Variants in HMCN2 observed in about 807,000 individuals in gnomAD.
The protein encoded by HMCN2 is hemicentin-2.
Under a neutral mutation model 377.5 loss-of-function variants are expected in HMCN2, and 325 were observed. The ratio of observed to expected loss-of-function variants is 0.86; its 90% confidence interval spans 0.79 to 0.94. The LOEUF (loss-of-function observed/expected upper bound fraction) is 0.94, where lower values mean the gene tolerates loss of function less well. Among genes scored for constraint, HMCN2 ranks in the 40% least tolerant of loss-of-function variants. HMCN2 has a pLI of 0.00. For missense variants in HMCN2, 4,543 were observed against 4,725.3 expected, an observed-to-expected ratio of 0.96 and a Z score of 1.13; for synonymous variants, 2,007 against 2,046.8, an observed-to-expected ratio of 0.98 and a Z score of 0.53.
chr9:130,312,026 T>C (rs1350642393), intron 15 of HMCN2, among the ~76,000 whole-genome samples: 1 of 152,228 alleles, frequency 6.6e-6, no homozygotes, highest in Non-Finnish European at 1.5e-5. Context: ...GAGCACATTT[T>C]GTTGCTGGCT....
intron 25 of HMCN2, among the ~76,000 whole-genome samples, chr9:130,343,510 C>T (rs1268197735): frequency 2.0e-5 from 3 of 152,188 alleles, no homozygotes; most frequent in Non-Finnish European, 4.4e-5. Flanking sequence ...TGCAGAGCTG[C>T]CGACCTGCCC....
intron 4 of HMCN2, among the ~76,000 whole-genome samples, chr9:130,291,811 T>G (rs1554930145): frequency 6.6e-6 from 1 of 152,250 alleles, no homozygotes; most frequent in Non-Finnish European, 1.5e-5. Flanking sequence ...GATTTCCCTG[T>G]CTTCAAACTG....
At chr9:130,296,848 C>T in intron 7 of HMCN2, 54 bp downstream of exon 7, 1 of 454,134 alleles carries the variant, frequency 2.2e-6, no homozygotes, top group Non-Finnish European at 4.6e-6. Context: ...AGACCTGGGG[C>T]TTGGCTTTGG....
At chr9:130,277,772 C>T (rs10988673) in intron 1 of HMCN2, among the ~76,000 whole-genome samples, 19,391 of 96,338 alleles carry the variant, frequency 0.2, 2,589 homozygotes, top group East Asian at 0.43. Flanking sequence ...ATCACCACCA[C>T]CATCATCATC....
At chr9:130,396,566 TCTCAG>T (rs1282927614) in intron 73 of HMCN2, among the ~76,000 whole-genome samples, 1 of 152,150 alleles carries the variant, frequency 6.6e-6, no homozygotes, top group Non-Finnish European at 1.5e-5. Context: ...TTAAAGCTTC[TCTCAG>T]CTTCTCTCTG....
rs750732009 is a variant in HMCN2, at chr9:130,428,462, C to G, written c.14170C>G (p.Arg4724Gly). 6.5e-7 allele frequency: 1 copy of G among 1,543,452 alleles called. No homozygotes were observed. Among genetic ancestry groups the G allele is most frequent in the Non-Finnish European group, 8.7e-7 (1 of 1,146,920 alleles). ...RCLPDCGPGF[R>G]VADGAGCEDV... The stretch of plus-strand genomic sequence containing the variant: ...CCTCCCCGACTGTGGGCCTGGCTTC[C>G]GGGTGGCTGATGGGGCCGGCTGTGA... The change falls in exon 93 of 98, where the codon CGG becomes GGG. Residue 4724 changes from arginine (R) to glycine (G), a missense_variant. Arg to Gly is a moderately radical substitution (Grantham distance 125). Around this residue, in one of 5 missense-constraint regions of HMCN2, gnomAD observed 1,155 missense variants for 1,157.7 expected, o/e 1.00. Coordinates refer to ENST00000683500, the MANE Select transcript of HMCN2 (RefSeq NM_001291815.2). This position sits in a 1 kb window ranked among gnomAD's most constrained non-coding sequence, Gnocchi z 5.0.
Position 130,268,418 on chromosome 9 carries a change from G to C in HMCN2, c.259+2281G>C, listed in dbSNP as rs942408667. ...GAGACTTCAGCACCATGGAGCCCTT[G>C]ATCTGTGTAGAGCCCAGGGAGGCTC... On this transcript the variant is annotated intron_variant, in intron 1 of 97. Transcript: ENST00000683500. 1.8e-4 allele frequency among the ~76,000 whole-genome samples: 23 copies of C among 124,650 alleles called. 1 individual carries two copies. Among genetic ancestry groups the C allele is most frequent in the Non-Finnish European group, 1.6e-4 (8 of 50,512 alleles). 81.8% of individuals were successfully genotyped at this position (124,650 alleles called of 152,430 possible).
chr9:130,430,607 A>G lies in HMCN2; in HGVS notation c.14647+3A>G. On this transcript the variant is annotated splice_donor_region_variant and intron_variant, in intron 95 of 97. Coordinates refer to ENST00000683500, the MANE Select transcript of HMCN2 (RefSeq NM_001291815.2). Reference sequence around the variant, plus strand: ...CAGGCAGAACGGAGTCTGCACAGGTAAGGCCAGGCCCTGACCATCCACGGG... The same window carrying G: ...CAGGCAGAACGGAGTCTGCACAGGTGAGGCCAGGCCCTGACCATCCACGGG... 1 of 1,546,928 alleles carries G rather than the reference A, an allele frequency of 6.5e-7. No homozygotes were observed. The highest frequency in any genetic ancestry group is 8.7e-7 in the Non-Finnish European group (1 of 1,144,528).
At chr9:130,430,201 G>A in intron 94 of HMCN2, 83 bp from the exon 95 acceptor site, 2 of 1,158,406 alleles carry the variant, frequency 1.7e-6, no homozygotes, top group Non-Finnish European at 2.4e-6. Context: ...GCCAACAAGA[G>A]AGAAGGCAGG....
chr9:130,431,330 C>T, intron 95 of HMCN2, 37 bp from the exon 96 acceptor site: 3 of 1,539,708 alleles, frequency 1.9e-6, no homozygotes, highest in Non-Finnish European at 1.8e-6. Flanking sequence ...CTCTCTGCCC[C>T]CATCCCCCAC....
rs1835644857 is a variant in HMCN2, at chr9:130,289,831, C to A, written c.612+3521C>A. ...CCTGACTAGGGTTCTCTCTCTGTCA[C>A]TTCACGGTAAGCCTCCTGGCACAGG... On this transcript the variant is annotated intron_variant, in intron 4 of 97. Transcript: ENST00000683500. 3.9e-5 allele frequency among the ~76,000 whole-genome samples: 6 copies of A among 152,194 alleles called. 1 individual carries two copies. Among genetic ancestry groups the A allele is most frequent in the Admixed American group, 1.3e-4 (2 of 15,292 alleles).
At position 130,375,748 on chromosome 9, in the gene HMCN2, TG is replaced by T. The variant is rs1564830807; in HGVS notation, c.7804+18del. 3.0e-6 allele frequency: 3 copies of T among 985,474 alleles called. No individual in the cohort carries two copies. Among genetic ancestry groups the T allele is most frequent in the Non-Finnish European group, 3.6e-6 (3 of 829,736 alleles). 61.0% of individuals were successfully genotyped at this position (985,474 alleles called of 1,614,324 possible). On this transcript the variant is annotated intron_variant, in intron 50 of 97. Coordinates refer to ENST00000683500, the MANE Select transcript of HMCN2 (RefSeq NM_001291815.2). ...CCAGCTGCTCCCAGGTGACGCCCTC[TG>T]GGGGGAAAGGAGGGAGGGAACAGGT...
chr9:130,329,863 A>G (rs1179240078), intron 22 of HMCN2, among the ~76,000 whole-genome samples: 1 of 152,024 alleles, frequency 6.6e-6, no homozygotes, highest in Non-Finnish European at 1.5e-5. Flanking sequence ...TCACAGACAC[A>G]CCACACCCCC....
chr9:130,349,888 C>CTTTT (rs760662723), intron 29 of HMCN2, among the ~76,000 whole-genome samples: 8 of 91,310 alleles, frequency 8.8e-5, no homozygotes, highest in Admixed American at 1.1e-4. Flanking sequence ...TTAGCCTTTC[C>CTTTT]TTTTTTTTTT....
At position 130,349,568 on chromosome 9, in the gene HMCN2, T is replaced by G; in HGVS notation, c.4335T>G (p.Ala1445=). The G allele has an allele frequency of 1.5e-6, 2 of 1,303,514 alleles. No individual in the cohort carries two copies. The highest frequency in any genetic ancestry group is 2.0e-6 in the Non-Finnish European group (2 of 988,824). 80.7% of individuals were successfully genotyped at this position (1,303,514 alleles called of 1,614,324 possible). The part of the protein sequence containing the change: ...TPPSVLGAGA[A]QEVLGLAGAD... ...CTTCCGTGCTTGGAGCCGGGGCCGC[T>G]CAGGAGGTGCTAGGATTGGCCGGTG... Residue 1445 remains alanine, a synonymous_variant, in exon 29 of 98, where the codon GCT becomes GCG. Coordinates refer to ENST00000683500, the MANE Select transcript of HMCN2 (RefSeq NM_001291815.2).
At chr9:130,399,056 C>T (rs1344279206) in intron 75 of HMCN2, among the ~76,000 whole-genome samples, 1 of 151,784 alleles carries the variant, frequency 6.6e-6, no homozygotes, top group Non-Finnish European at 1.5e-5. Context: ...AGTTCAAGAC[C>T]AGACTGGGCA....
chr9:130,421,207 G>C (rs763973259), intron 86 of HMCN2, among the ~76,000 whole-genome samples: 2 of 152,116 alleles, frequency 1.3e-5, no homozygotes, highest in African/African-American at 4.8e-5. Flanking sequence ...GATTGGCTTC[G>C]TATCATTCCA....
intron 29 of HMCN2, 26 bp downstream of exon 29, chr9:130,349,689 G>T (rs1213991002): frequency 2.3e-6 from 3 of 1,297,268 alleles, no homozygotes; most frequent in Admixed American, 2.3e-5. Context: ...CCCGAGGATG[G>T]CGTGTGGTGG....
At position 130,432,364 on chromosome 9, in the gene HMCN2, T is replaced by C. The variant is rs1016954401; in HGVS notation, c.14768-65T>C. The C allele has an allele frequency of 2.0e-6, 3 of 1,487,326 alleles. No homozygotes were observed. In the Admixed American group the frequency reaches 5.9e-5, roughly 29 times the overall value. The allele number at this position is 1,487,326 out of a possible 1,614,324, so 92.1% of individuals were successfully genotyped here. A position where few individuals can be genotyped will look rare whatever the true frequency, so the allele number is the denominator to read the frequency against. On this transcript the variant is annotated intron_variant, in intron 96 of 97. Transcript: ENST00000683500. ...CCCAAAGGTACTTCTCCCCACGCAC[T>C]CCCCCCTTCTCCTTTGCTCCATCTT... is the stretch of plus-strand genomic sequence containing the variant.
Sources: gnomAD v4.1 joint callset for allele counts (sites outside exome capture counted in the v4.1 genomes callset) on GRCh38, gnomAD v4.1.1 for gene constraint, gnomAD v4.1.1 regional missense constraint, Gnocchi (gnomAD v3.1) non-coding constraint, MANE v1.5 for transcripts, NCBI Gene and HGNC (gene_info 2026-07-23, HGNC 2026-07-21) for gene names.